The following SH3BP5 variants were observed in gnomAD, a reference collection of about 807,000 sequenced individuals.
SH3BP5 encodes the protein SH3 domain binding protein 5.
SH3BP5 carries 22 observed loss-of-function variants against 43.3 expected under a neutral mutation model. That is an observed-to-expected ratio of 0.51 (90% CI 0.36 to 0.73). The LOEUF (loss-of-function observed/expected upper bound fraction) is 0.73, where lower values mean the gene tolerates loss of function less well. SH3BP5 is among the 30% of genes least tolerant of loss of function. The pLI is 0.00. For synonymous variants in SH3BP5, 255 were observed against 225.8 expected (o/e 1.13, Z -1.16); for missense variants, 529 against 586.9 (o/e 0.90, Z 1.02).
At chr3:15,268,799 T>C (rs1420494765) in intron 4 of SH3BP5, among the ~76,000 whole-genome samples, 3 of 152,120 alleles carry the variant, frequency 2.0e-5, no homozygotes, top group Non-Finnish European at 4.4e-5. Flanking sequence ...ATAGGGCCTT[T>C]GGGAAGTGAT....
At chr3:15,326,717 T>C (rs1281773563) in intron 2 of SH3BP5, among the ~76,000 whole-genome samples, 3 of 152,226 alleles carry the variant, frequency 2.0e-5, no homozygotes, top group African/African-American at 7.2e-5. Flanking sequence ...GTCCTTTTCA[T>C]GGTCTACTTA....
intron 2 of SH3BP5, among the ~76,000 whole-genome samples, chr3:15,324,634 A>T (rs1698414525): frequency 6.6e-6 from 1 of 152,308 alleles, no homozygotes; most frequent in African/African-American, 2.4e-5. Flanking sequence ...GTTTCTTCGA[A>T]GCACAACTGA....
chr3:15,292,043 C>CG (rs1697426603), intron 3 of SH3BP5, among the ~76,000 whole-genome samples: 1 of 152,112 alleles, frequency 6.6e-6, no homozygotes, highest in Non-Finnish European at 1.5e-5. Flanking sequence ...CCTGTGTCGA[C>CG]AAAACTCGTA....
chr3:15,256,682 C>T (rs1416068515), intron 8 of SH3BP5, 171 bp downstream of exon 8: 1 of 770,258 alleles, frequency 1.3e-6, no homozygotes, highest in East Asian at 2.7e-5. Context: ...AGGAGCCCCC[C>T]CAGAACAGCA....
At chr3:15,298,003 G>C (rs1247841194) in intron 3 of SH3BP5, among the ~76,000 whole-genome samples, 1 of 148,908 alleles carries the variant, frequency 6.7e-6, no homozygotes, top group Non-Finnish European at 1.5e-5. Context: ...AAGAGCCAAG[G>C]TCTCACCCTG....
intron 2 of SH3BP5, among the ~76,000 whole-genome samples, chr3:15,311,524 C>T (rs547826412): frequency 2.6e-5 from 4 of 151,722 alleles, no homozygotes; most frequent in South Asian, 2.1e-4. Flanking sequence ...CACGCCACTG[C>T]ACTCCAGCCT....
rs1215668885 is a variant in SH3BP5, at chr3:15,256,914, T to A, written c.1089A>T (p.Pro363=). The stretch of plus-strand genomic sequence containing the variant: ...TGCATTCACTTCGAGGGCCCAACAC[T>A]GGGAACATCATCCCAAACTCTGACA... ...VSLSEFGMMF[P]VLGPRSECSG... Residue 363 remains proline (P), a synonymous_variant, in exon 8 of 9, where the codon CCA becomes CCT. Coordinates refer to ENST00000383791, the MANE Select transcript of SH3BP5 (RefSeq NM_004844.5). 1.2e-6 allele frequency: 2 copies of A among 1,613,974 alleles called. No homozygotes were observed. The highest frequency in any genetic ancestry group is 2.7e-5 in the African/African-American group (2 of 74,912).
Position 15,269,710 on chromosome 3 carries a change from T to C in SH3BP5, c.495+3A>G, listed in dbSNP as rs1559430694. The stretch of plus-strand genomic sequence containing the variant: ...CCACAGCACACCCGGCCATGACTCA[T>C]ACCCTCTGAGTGGCGTGATTCAGCA... On this transcript the variant is annotated splice_donor_region_variant and intron_variant, in intron 4 of 8. Coordinates refer to ENST00000383791, the MANE Select transcript of SH3BP5 (RefSeq NM_004844.5). The C allele has an allele frequency of 6.3e-7, 1 of 1,586,816 alleles. No individual in the cohort carries two copies. Among genetic ancestry groups the C allele is most frequent in the Non-Finnish European group, 8.6e-7 (1 of 1,163,900 alleles).
intron 5 of SH3BP5, among the ~76,000 whole-genome samples, chr3:15,261,792 A>G (rs936460141): frequency 6.6e-6 from 1 of 152,196 alleles, no homozygotes. Flanking sequence ...ACTCATCCCT[A>G]TTACACTGAC....
In SH3BP5 at chr3:15,258,529, G is replaced by A; in HGVS notation, c.889+302C>T. Reference sequence around the variant, plus strand: ...TAGCTTTGAATCAAATCTGATTACAGCTCTTCTTTCCTGCAGGACTTCTCA... The same window carrying A: ...TAGCTTTGAATCAAATCTGATTACAACTCTTCTTTCCTGCAGGACTTCTCA... On this transcript the variant is annotated intron_variant, in intron 7 of 8. Coordinates refer to ENST00000383791, the MANE Select transcript of SH3BP5 (RefSeq NM_004844.5). 4 of 424,530 alleles carry A rather than the reference G, an allele frequency of 9.4e-6. No homozygotes were observed. The South Asian group carries it at 1.2e-4, about 13-fold the overall frequency. The allele number at this position is 424,530 out of a possible 1,614,324, so 26.3% of individuals were successfully genotyped here. A position where few individuals can be genotyped will look rare whatever the true frequency, so the allele number is the denominator to read the frequency against.
chr3:15,325,629 AG>A (rs1698440903), intron 2 of SH3BP5, among the ~76,000 whole-genome samples: 1 of 152,242 alleles, frequency 6.6e-6, no homozygotes, highest in Non-Finnish European at 1.5e-5. Context: ...TGTAAGCCTC[AG>A]AAAAGCAGGG....
intron 2 of SH3BP5, among the ~76,000 whole-genome samples, chr3:15,313,853 G>A (rs1698120793): frequency 1.3e-5 from 2 of 152,136 alleles, no homozygotes; most frequent in African/African-American, 4.8e-5. Flanking sequence ...TGTAATCCCA[G>A]CACTTTGGGA....
chr3:15,289,487 A>G (rs987586467), intron 3 of SH3BP5, among the ~76,000 whole-genome samples: 1 of 152,156 alleles, frequency 6.6e-6, no homozygotes, highest in Non-Finnish European at 1.5e-5. Context: ...CAAACAGAAC[A>G]CTCGGTTTCA....
intron 3 of SH3BP5, among the ~76,000 whole-genome samples, chr3:15,273,578 C>T (rs1696877843): frequency 2.0e-5 from 3 of 152,252 alleles, no homozygotes; most frequent in African/African-American, 7.2e-5. Context: ...CCTCATTCCA[C>T]ATTTAACCCA....
intron 3 of SH3BP5, among the ~76,000 whole-genome samples, chr3:15,287,406 G>T (rs992008437): frequency 6.6e-6 from 1 of 152,204 alleles, no homozygotes; most frequent in Admixed American, 6.5e-5. Context: ...CTAAAGGAAG[G>T]GTTCATGAAA....
At chr3:15,295,433 G>A (rs772564752) in intron 3 of SH3BP5, among the ~76,000 whole-genome samples, 19 of 151,990 alleles carry the variant, frequency 1.3e-4, no homozygotes, top group Admixed American at 1.0e-3. Context: ...TCCTTTCCTC[G>A]GTCCTTTTAG....
At chr3:15,311,340 A>G (rs776017425) in intron 2 of SH3BP5, among the ~76,000 whole-genome samples, 1 of 152,130 alleles carries the variant, frequency 6.6e-6, no homozygotes, top group Non-Finnish European at 1.5e-5. Flanking sequence ...CTGCAGGCAC[A>G]TCACCTGAGG....
chr3:15,328,655 G>C, intron 2 of SH3BP5, among the ~76,000 whole-genome samples: 1 of 152,118 alleles, frequency 6.6e-6, no homozygotes, highest in Non-Finnish European at 1.5e-5. Flanking sequence ...CAGGAGGGTT[G>C]CCTGAACCCA....
chr3:15,273,601 G>A (rs755308136), intron 3 of SH3BP5, among the ~76,000 whole-genome samples: 24 of 152,174 alleles, frequency 1.6e-4, no homozygotes, highest in Non-Finnish European at 2.4e-4. Context: ...GAAACCAGAT[G>A]CCATCTCTCC....
Sources: gnomAD v4.1 joint callset for allele counts (sites outside exome capture counted in the v4.1 genomes callset) on GRCh38, gnomAD v4.1.1 for gene constraint, MANE v1.5 for transcripts, NCBI Gene and HGNC (gene_info 2026-07-23, HGNC 2026-07-21) for gene names.